The following LRCH2 variants were observed in gnomAD, a reference collection of about 807,000 sequenced individuals.
LRCH2 encodes leucine-rich repeat and calponin homology domain-containing protein 2.
A neutral mutation model predicts 68.9 loss-of-function variants in LRCH2; 38 were observed. The ratio of observed to expected loss-of-function variants is 0.55; its 90% CI spans 0.43 to 0.72. The LOEUF (loss-of-function observed/expected upper bound fraction) is 0.72, where lower values mean the gene tolerates loss of function less well. Ranked by LOEUF, LRCH2 falls within the 30% of genes least tolerant of loss-of-function variation. LRCH2 has a pLI of 0.00. For missense variants in LRCH2, 528 were observed against 572.9 expected, an observed-to-expected ratio of 0.92 and a Z score of 0.80; for synonymous variants, 191 against 208.1, an observed-to-expected ratio of 0.92 and a Z score of 0.71.
rs1556537719 is a variant in LRCH2, at chrX:115,149,823, G to A, written c.1695+4C>T. 6.4e-6 allele frequency: 7 copies of A among 1,099,414 alleles called. No individual in the cohort carries two copies. Among genetic ancestry groups the A allele is most frequent in the Non-Finnish European group, 8.7e-6 (7 of 808,852 alleles). The allele number at this position is 1,099,414 out of a possible 1,213,427, so 90.6% of individuals were successfully genotyped here. On this transcript the variant is annotated splice_donor_region_variant and intron_variant, in intron 14 of 20. Coordinates refer to ENST00000317135, the MANE Select transcript of LRCH2 (RefSeq NM_020871.4). The stretch of plus-strand genomic sequence containing the variant: ...AGTAAATTTAAAAACTTAATATAGA[G>A]TACCTTGAAATATTCTTTTCTAATC...
intron 20 of LRCH2, among the ~76,000 whole-genome samples, chrX:115,119,619 C>G (rs1556525148): frequency 1.4e-5 from 1 of 70,376 alleles, no homozygotes; most frequent in African/African-American, 5.6e-5. Flanking sequence ...GATTCAATGC[C>G]ATCCCCATCA....
chrX:115,191,646 C>T, intron 1 of LRCH2: 1 of 1,160,050 alleles, frequency 8.6e-7, no homozygotes, highest in Non-Finnish European at 1.2e-6. Context: ...ACGACAGTTC[C>T]AGCCAGAGCG....
intron 5 of LRCH2, among the ~76,000 whole-genome samples, chrX:115,172,753 T>TG (rs2072614165): frequency 1.0e-4 from 1 of 9,695 alleles, no homozygotes; most frequent in African/African-American, 1.5e-4. Flanking sequence ...TTACTTTCTA[T>TG]TTTTTTTTTT....
rs1221604204 is a variant in LRCH2 at position 115,165,969 on chromosome X, A to G, written c.1087-17T>C. ...ATCTGATGGCTAAAAGGAATAAGCA[A>G]AAAGTACAAATGAGGCATTTTAAAC... On this transcript the variant is annotated splice_polypyrimidine_tract_variant and intron_variant, in intron 7 of 20. Coordinates refer to ENST00000317135, the MANE Select transcript of LRCH2 (RefSeq NM_020871.4). The G allele has an allele frequency of 1.4e-5, 15 of 1,060,848 alleles. No individual in the cohort carries two copies. The highest frequency in any genetic ancestry group is 3.7e-5 in the African/African-American group (2 of 53,571). The allele number at this position is 1,060,848 out of a possible 1,213,427, so 87.4% of individuals were successfully genotyped here. A position where few individuals can be genotyped will look rare whatever the true frequency, so the allele number is the denominator to read the frequency against.
intron 14 of LRCH2, among the ~76,000 whole-genome samples, chrX:115,138,286 C>G (rs2072307247): frequency 1.8e-5 from 2 of 111,551 alleles, no homozygotes; most frequent in South Asian, 7.6e-4. Context: ...TAGAGAGACA[C>G]AGAAAAGATT....
intron 14 of LRCH2, among the ~76,000 whole-genome samples, chrX:115,144,834 T>C (rs1261812627): frequency 9.0e-6 from 1 of 111,642 alleles, no homozygotes; most frequent in African/African-American, 3.3e-5. Flanking sequence ...CATTCATGGA[T>C]TGGAAGAAAC....
chrX:115,125,607 G>A (rs1157668164), intron 16 of LRCH2, among the ~76,000 whole-genome samples: 10 of 18,469 alleles, frequency 5.4e-4, no homozygotes, highest in Admixed American at 1.9e-3. Context: ...ATATATATAC[G>A]TATATATATA....
intron 1 of LRCH2, among the ~76,000 whole-genome samples, chrX:115,230,291 T>C (rs934555999): frequency 6.3e-5 from 7 of 111,134 alleles, no homozygotes; most frequent in Non-Finnish European, 1.3e-4. Context: ...GTGAAAATTT[T>C]AATCAAGGAG....
At chrX:115,132,735 G>A (rs1556530684) in intron 14 of LRCH2, among the ~76,000 whole-genome samples, 2 of 111,467 alleles carry the variant, frequency 1.8e-5, no homozygotes, top group African/African-American at 6.5e-5. Flanking sequence ...AATGAAATTG[G>A]CACGTGTGAA....
At chrX:115,230,096 TAAATTCACTTTCAAGTCAACA>T (rs1423201486) in intron 1 of LRCH2, among the ~76,000 whole-genome samples, 1 of 111,928 alleles carries the variant, frequency 8.9e-6, no homozygotes, top group Non-Finnish European at 1.9e-5. Context: ...GGGTAACAAT[TAAATTCACTTTCAAGTCAACA>T]AATTATCATA....
intron 14 of LRCH2, among the ~76,000 whole-genome samples, chrX:115,132,122 T>C (rs782411567): frequency 2.7e-5 from 3 of 112,014 alleles, no homozygotes; most frequent in South Asian, 3.8e-4. Context: ...TTCGTTGCCA[T>C]TGCTTTTGGT....
intron 11 of LRCH2, among the ~76,000 whole-genome samples, chrX:115,157,453 A>G (rs1224087496): frequency 5.5e-5 from 6 of 109,876 alleles, no homozygotes; most frequent in African/African-American, 2.0e-4. Flanking sequence ...AAAATACATA[A>G]TGAATTAAAT....
intron 20 of LRCH2, among the ~76,000 whole-genome samples, chrX:115,121,027 G>T (rs1341272851): frequency 9.6e-6 from 1 of 104,287 alleles, no homozygotes; most frequent in Non-Finnish European, 2.0e-5. Flanking sequence ...GTTGTGGGGT[G>T]GGGGGAGGCG....
intron 14 of LRCH2, among the ~76,000 whole-genome samples, chrX:115,131,512 G>A (rs372420816): frequency 1.2e-4 from 13 of 111,326 alleles, no homozygotes; most frequent in African/African-American, 2.3e-4. Context: ...TCATTGTTGG[G>A]CATTTGGGTT....
rs2073170783 is a variant in LRCH2, at chrX:115,233,925, G to C, written c.117C>G (p.Gly39=). 3.4e-6 allele frequency: 4 copies of C among 1,159,679 alleles called. No homozygotes were observed. Among genetic ancestry groups the C allele is most frequent in the Non-Finnish European group, 2.3e-6 (2 of 869,219 alleles). ...GGGGGGAGGG[G]GGGGGTLVVP... ...CCACCAGGGTCCCGCCGCCGCCGCC[G>C]CCTCCCCCTCCAGCCCCGCCACCTC... The change falls in exon 1 of 21, where the codon GGC becomes GGG. Residue 39 remains glycine (G), a synonymous_variant. Coordinates refer to ENST00000317135, the MANE Select transcript of LRCH2 (RefSeq NM_020871.4).
intron 1 of LRCH2, among the ~76,000 whole-genome samples, chrX:115,218,931 G>T (rs2073060236): frequency 1.8e-5 from 2 of 112,068 alleles, no homozygotes; most frequent in African/African-American, 6.5e-5. Flanking sequence ...ACCCTCCACT[G>T]GCAACAGTTT....
intron 17 of LRCH2, among the ~76,000 whole-genome samples, 178 bp downstream of exon 17, chrX:115,123,767 A>C (rs782741981): frequency 4.8e-4 from 53 of 111,427 alleles, no homozygotes; most frequent in Admixed American, 4.0e-3. Context: ...CTTGAAGGTA[A>C]AGAGGAAGAA....
chrX:115,113,266 C>T lies in LRCH2; in HGVS notation c.2248G>A (p.Ala750Thr). The T allele has an allele frequency of 8.3e-7, 1 of 1,197,985 alleles. No individual in the cohort carries two copies. Among genetic ancestry groups the T allele is most frequent in the Non-Finnish European group, 1.1e-6 (1 of 886,876 alleles). ...TTGGTTGTTGGTAATTCAAGGAGCG[C>T]CTGAACTGTGACACCAACTTTCACA... is the stretch of plus-strand genomic sequence containing the variant. The part of the protein sequence containing the change: ...GLVKVGVTVQ[A>T]LLELPTTKAS... The change falls in exon 21 of 21, where the codon GCG becomes ACG. Residue 750 changes from alanine to threonine, a missense_variant. Ala to Thr is a moderately conservative substitution (Grantham distance 58, BLOSUM62 0). Transcript: ENST00000317135.
At chrX:115,186,329 C>T (rs2072730950) in intron 2 of LRCH2, among the ~76,000 whole-genome samples, 2 of 98,811 alleles carry the variant, frequency 2.0e-5, no homozygotes, top group Non-Finnish European at 4.0e-5. Flanking sequence ...CCCTGGGAGA[C>T]AGAGCAAGAC....
Sources: allele counts gnomAD v4.1 joint callset (sites outside exome capture counted in the v4.1 genomes callset), GRCh38; gene constraint gnomAD v4.1.1; transcripts MANE v1.5; gene names NCBI Gene and HGNC (gene_info 2026-07-23, HGNC 2026-07-21).